Variants in RPS6KC1 observed in about 807,000 individuals in gnomAD.
The protein encoded by RPS6KC1 is inactive ribosomal protein S6 kinase delta-1.
In RPS6KC1, 54 loss-of-function variants were observed where a neutral mutation model predicts 103.8. The ratio of observed to expected loss-of-function variants is 0.52; its 90% CI spans 0.42 to 0.65. The LOEUF is 0.65. Ranked by LOEUF, RPS6KC1 falls within the 30% of genes least tolerant of loss-of-function variation. RPS6KC1 has a pLI of 0.00. For missense variants in RPS6KC1, 1,151 were observed against 1,253.8 expected (o/e 0.92, Z 1.24); for synonymous variants, 439 against 438.7 (o/e 1.00, Z -0.01).
the RPS6KC1 span, among the ~76,000 whole-genome samples, chr1:213,508,377 A>T: frequency 2.0e-5 from 3 of 152,244 alleles, no homozygotes; most frequent in Non-Finnish European, 4.4e-5. Flanking sequence ...ACATGGAGAA[A>T]AGAAAAATTT....
the RPS6KC1 span, among the ~76,000 whole-genome samples, chr1:213,291,709 A>G: frequency 1.3e-5 from 2 of 152,194 alleles, no homozygotes; most frequent in Admixed American, 6.5e-5. Context: ...TGCTAACAAT[A>G]AAGAGGTGTA....
chr1:213,276,940 A>G (rs190803017), downstream of RPS6KC1, among the ~76,000 whole-genome samples: 303 of 152,264 alleles, frequency 2.0e-3, 1 homozygote, highest in African/African-American at 6.6e-3. Flanking sequence ...CATCTGTCAT[A>G]TTTTGTGTGT....
At chr1:213,298,835 A>G in the RPS6KC1 span, among the ~76,000 whole-genome samples, 1 of 152,134 alleles carries the variant, frequency 6.6e-6, no homozygotes, top group African/African-American at 2.4e-5. Context: ...TTCCAGCATG[A>G]TTCCCCCCTG....
chr1:213,407,214 GCGCGCA>G, the RPS6KC1 span, among the ~76,000 whole-genome samples: 32 of 18,420 alleles, frequency 1.7e-3, no homozygotes, highest in African/African-American at 0.016. Context: ...TTACATGCAC[GCGCGCA>G]CACACACACA....
intron 8 of RPS6KC1, 74 bp downstream of exon 8, chr1:213,176,566 G>C (rs1224844159): frequency 1.3e-5 from 12 of 954,746 alleles, no homozygotes; most frequent in Non-Finnish European, 1.8e-5. Flanking sequence ...TTGAAGCTTT[G>C]GATCTTAAGG....
chr1:213,205,789 T>C (rs1025140689), intron 8 of RPS6KC1, among the ~76,000 whole-genome samples: 3 of 151,890 alleles, frequency 2.0e-5, no homozygotes, highest in African/African-American at 7.2e-5. Context: ...TTATTTAAAG[T>C]TAAGAGTATA....
chr1:213,217,674 A>G (rs1213838204), intron 8 of RPS6KC1, among the ~76,000 whole-genome samples: 1 of 152,212 alleles, frequency 6.6e-6, no homozygotes, highest in Non-Finnish European at 1.5e-5. Context: ...CTTATCCACC[A>G]TGATCAAGTG....
At chr1:213,161,185 G>A (rs925482988) in intron 6 of RPS6KC1, among the ~76,000 whole-genome samples, 14 of 152,158 alleles carry the variant, frequency 9.2e-5, no homozygotes, top group African/African-American at 3.1e-4. Flanking sequence ...AAGGGGATAG[G>A]AGGGGCAGGA....
At chr1:213,545,591 G>A in the RPS6KC1 span, among the ~76,000 whole-genome samples, 2 of 151,752 alleles carry the variant, frequency 1.3e-5, no homozygotes, top group Non-Finnish European at 2.9e-5. Flanking sequence ...TTGGATTAAG[G>A]TCCACCTTCA....
the RPS6KC1 span, among the ~76,000 whole-genome samples, chr1:213,509,349 T>C: frequency 1.3e-5 from 2 of 152,196 alleles, no homozygotes; most frequent in Non-Finnish European, 2.9e-5. Context: ...CCTTTTTTTT[T>C]TTCTTCTAAG....
chr1:213,177,771 C>G (rs533376929), intron 8 of RPS6KC1, among the ~76,000 whole-genome samples: 82 of 152,182 alleles, frequency 5.4e-4, no homozygotes, highest in African/African-American at 1.9e-3. Context: ...GGCAAGTATA[C>G]CTTCTTGAGG....
chr1:213,488,500 C>T, the RPS6KC1 span, among the ~76,000 whole-genome samples: 6 of 152,102 alleles, frequency 3.9e-5, no homozygotes, highest in Admixed American at 2.0e-4. Context: ...TCTGTCATAG[C>T]GTCTGTTTCT....
the RPS6KC1 span, among the ~76,000 whole-genome samples, chr1:213,822,599 C>G: frequency 6.6e-6 from 1 of 152,164 alleles, no homozygotes; most frequent in African/African-American, 2.4e-5. Context: ...CCAGATCAAC[C>G]AAAGCAGTTC....
the RPS6KC1 span, among the ~76,000 whole-genome samples, chr1:213,827,575 A>C: frequency 6.6e-6 from 1 of 152,236 alleles, no homozygotes; most frequent in Admixed American, 6.5e-5. Flanking sequence ...CAAAGAAAAA[A>C]AAAAGTTGGC....
chr1:213,318,739 G>A, the RPS6KC1 span, among the ~76,000 whole-genome samples: 31 of 152,142 alleles, frequency 2.0e-4, no homozygotes, highest in Admixed American at 3.3e-4. Flanking sequence ...ATCAGATCTC[G>A]TGAGACTTAT....
the RPS6KC1 span, among the ~76,000 whole-genome samples, chr1:213,449,198 G>A: frequency 1.3e-5 from 2 of 152,232 alleles, no homozygotes; most frequent in East Asian, 1.9e-4. Context: ...CAGTGGAGTC[G>A]TTTTAGGCTC....
the RPS6KC1 span, among the ~76,000 whole-genome samples, chr1:213,725,507 G>A: frequency 6.6e-6 from 1 of 152,212 alleles, no homozygotes; most frequent in Non-Finnish European, 1.5e-5. Context: ...GGGACTCTTG[G>A]TCAGTGTCCT....
chr1:213,278,024 A>G (rs1245936247), downstream of RPS6KC1, among the ~76,000 whole-genome samples: 2 of 151,986 alleles, frequency 1.3e-5, no homozygotes, highest in Non-Finnish European at 2.9e-5. Flanking sequence ...GGCAACATGA[A>G]GAGAGCCTGT....
chr1:213,285,630 A>C, the RPS6KC1 span, among the ~76,000 whole-genome samples: 1 of 152,240 alleles, frequency 6.6e-6, no homozygotes, highest in East Asian at 1.9e-4. Context: ...AACGATTTGC[A>C]ATGTTTTTGG....
Sources: allele counts gnomAD v4.1 joint callset (sites outside exome capture counted in the v4.1 genomes callset), GRCh38; gene constraint gnomAD v4.1.1; transcripts MANE v1.5; gene names NCBI Gene and HGNC (gene_info 2026-07-23, HGNC 2026-07-21).